The following RGS7 variants were observed in gnomAD, a reference collection of about 807,000 sequenced individuals.
RGS7 encodes regulator of G protein signaling 7, also known as regulator of G-protein signaling 7.
A neutral mutation model predicts 81.1 loss-of-function variants in RGS7; 27 were observed. The observed-to-expected ratio is 0.33, with a 90% confidence interval of 0.25 to 0.46. The LOEUF is 0.46. Among genes scored for constraint, RGS7 ranks in the 20% least tolerant of loss-of-function variants. The pLI is 1.00. For missense variants in RGS7, 396 were observed against 607.4 expected (o/e 0.65, Z 3.66); for synonymous variants, 208 against 207.7 (o/e 1.00, Z -0.01).
chr1:240,946,997 C>G (rs546682829), intron 4 of RGS7, among the ~76,000 whole-genome samples: 1 of 152,166 alleles, frequency 6.6e-6, no homozygotes, highest in East Asian at 1.9e-4. Flanking sequence ...TAAATATATA[C>G]AACTATAAGG....
At chr1:241,220,830 G>T (rs977515748) in intron 2 of RGS7, among the ~76,000 whole-genome samples, 3 of 151,854 alleles carry the variant, frequency 2.0e-5, no homozygotes, top group African/African-American at 2.4e-5. Flanking sequence ...GAGCTAAGAA[G>T]TTTGAGGCCG....
chr1:240,795,180 G>A (rs147117975), intron 18 of RGS7, among the ~76,000 whole-genome samples: 6,300 of 147,652 alleles, frequency 0.043, 134 homozygotes, highest in East Asian at 0.11. Context: ...GCAAAACTCT[G>A]TCTCAAACAA....
chr1:241,066,244 T>C (rs111516898), intron 3 of RGS7, among the ~76,000 whole-genome samples: 3 of 152,322 alleles, frequency 2.0e-5, no homozygotes, highest in African/African-American at 7.2e-5. Context: ...TATGCAAGAA[T>C]GGATGAGCAA....
chr1:240,818,804 T>C (rs555759458), intron 10 of RGS7, among the ~76,000 whole-genome samples: 9 of 152,248 alleles, frequency 5.9e-5, no homozygotes, highest in African/African-American at 1.4e-4. Flanking sequence ...AAAAGAAAGC[T>C]CTTGGTCAAC....
intron 2 of RGS7, among the ~76,000 whole-genome samples, chr1:241,204,595 ATTAAAC>A (rs1303499437): frequency 1.3e-5 from 2 of 152,210 alleles, no homozygotes; most frequent in Admixed American, 6.5e-5. Context: ...AAACAAAAGA[ATTAAAC>A]TTAGAGAGTT....
At chr1:240,828,427 G>A (rs1427094870) in intron 9 of RGS7, among the ~76,000 whole-genome samples, 1 of 152,220 alleles carries the variant, frequency 6.6e-6, no homozygotes, top group African/African-American at 2.4e-5. Context: ...GAAGTGATGA[G>A]AAGTTAATGG....
intron 4 of RGS7, among the ~76,000 whole-genome samples, chr1:240,948,274 G>C (rs187910611): frequency 2.0e-5 from 3 of 152,026 alleles, no homozygotes; most frequent in Non-Finnish European, 4.4e-5. Flanking sequence ...TTAGTGGTTT[G>C]TTTGCTTGAT....
At chr1:241,250,043 C>A (rs2076753715) in intron 2 of RGS7, among the ~76,000 whole-genome samples, 1 of 151,912 alleles carries the variant, frequency 6.6e-6, no homozygotes, top group South Asian at 2.1e-4. Context: ...TAAGACTATA[C>A]AGAAGAATTA....
chr1:240,870,707 A>G (rs1335520411), intron 6 of RGS7, among the ~76,000 whole-genome samples: 2 of 152,224 alleles, frequency 1.3e-5, no homozygotes, highest in Non-Finnish European at 2.9e-5. Flanking sequence ...AGGAGAAAAC[A>G]AAACCTCCTA....
At chr1:241,097,931 T>C (rs1287710601) in intron 3 of RGS7, among the ~76,000 whole-genome samples, 1 of 152,186 alleles carries the variant, frequency 6.6e-6, no homozygotes, top group Non-Finnish European at 1.5e-5. Context: ...TCTGCATGCC[T>C]AGTTATTCAC....
intron 2 of RGS7, among the ~76,000 whole-genome samples, chr1:241,346,001 G>A (rs1270865988): frequency 2.6e-5 from 4 of 151,860 alleles, no homozygotes; most frequent in African/African-American, 4.8e-5. Flanking sequence ...GTGATGGAGC[G>A]AGAGTCCGTC....
At chr1:241,196,739 G>A (rs1008838581) in intron 2 of RGS7, among the ~76,000 whole-genome samples, 6 of 151,970 alleles carry the variant, frequency 3.9e-5, no homozygotes, top group African/African-American at 1.4e-4. Flanking sequence ...GGATTCTTAA[G>A]TATTTAGAAA....
intron 16 of RGS7, among the ~76,000 whole-genome samples, chr1:240,801,945 T>C (rs1162195489): frequency 6.6e-6 from 1 of 152,140 alleles, no homozygotes; most frequent in Non-Finnish European, 1.5e-5. Flanking sequence ...AGGATGGAAA[T>C]CTCATTCTAT....
chr1:240,994,015 A>G (rs75652918), intron 3 of RGS7, among the ~76,000 whole-genome samples: 6,144 of 151,780 alleles, frequency 0.04, 394 homozygotes, highest in African/African-American at 0.14. Flanking sequence ...TGGATTCTCT[A>G]TTCTGTTTTA....
chr1:241,020,250 G>C (rs1351912385), intron 3 of RGS7, among the ~76,000 whole-genome samples: 2 of 152,142 alleles, frequency 1.3e-5, no homozygotes, highest in Admixed American at 6.6e-5. Context: ...TCATTTCCTA[G>C]GGCTGTCATA....
intron 18 of RGS7, among the ~76,000 whole-genome samples, chr1:240,790,328 G>T (rs1685777534): frequency 1.3e-5 from 2 of 151,986 alleles, no homozygotes; most frequent in African/African-American, 4.8e-5. Flanking sequence ...TTATAAATTT[G>T]TTTTTTATAG....
intron 2 of RGS7, among the ~76,000 whole-genome samples, chr1:241,123,651 T>C (rs553837242): frequency 4.1e-4 from 63 of 152,208 alleles, no homozygotes; most frequent in African/African-American, 1.5e-3. Context: ...CTCGGGAGGC[T>C]GAAGGAGGAG....
At chr1:240,887,108 T>G (rs1295546029) in intron 6 of RGS7, among the ~76,000 whole-genome samples, 1 of 152,178 alleles carries the variant, frequency 6.6e-6, no homozygotes, top group Non-Finnish European at 1.5e-5. Flanking sequence ...AAGTAATGTA[T>G]GGAATTACTA....
chr1:240,998,413 TCAGC>T, intron 3 of RGS7: 3 of 624,774 alleles, frequency 4.8e-6, no homozygotes, highest in Non-Finnish European at 5.6e-6. Context: ...TTTTTTAAGT[TCAGC>T]TTTTTATTGA....
Sources: gnomAD v4.1 joint callset for allele counts (sites outside exome capture counted in the v4.1 genomes callset) on GRCh38, gnomAD v4.1.1 for gene constraint, MANE v1.5 for transcripts, NCBI Gene and HGNC (gene_info 2026-07-23, HGNC 2026-07-21) for gene names.